Variants in PDE8B observed in about 807,000 individuals in gnomAD.
PDE8B encodes the protein high affinity cAMP-specific and IBMX-insensitive 3',5'-cyclic phosphodiesterase 8B.
PDE8B carries 26 observed loss-of-function variants against 101.3 expected under a neutral mutation model. That is an observed-to-expected ratio of 0.26 (90% CI 0.19 to 0.36). PDE8B has a LOEUF of 0.36. Ranked by LOEUF, PDE8B falls within the 10% of genes least tolerant of loss-of-function variation. The pLI is 1.00. For synonymous variants in PDE8B, 424 were observed against 429.3 expected (o/e 0.99, Z 0.15); for missense variants, 810 against 1,163.1 (o/e 0.70, Z 4.42).
Position 77,211,297 on chromosome 5 carries a change from G to A in PDE8B, c.339+33G>A. 1.3e-6 allele frequency: 2 copies of A among 1,522,244 alleles called. No homozygotes were observed. Among genetic ancestry groups the A allele is most frequent in the Middle Eastern group, 1.8e-4 (1 of 5,474 alleles). 94.3% of individuals were successfully genotyped at this position (1,522,244 alleles called of 1,614,324 possible). A position where few individuals can be genotyped will look rare whatever the true frequency, so the allele number is the denominator to read the frequency against. On this transcript the variant is annotated intron_variant, in intron 1 of 21. Coordinates refer to ENST00000264917, the MANE Select transcript of PDE8B (RefSeq NM_003719.5). This position sits in a 1 kb window ranked among gnomAD's most constrained non-coding sequence, Gnocchi z 4.1. Reference sequence around the variant, plus strand: ...CCCCGCGCTGGCACACGCCGTGGGGGCCGTCCGCCCCGTCGGCGGGGCTCG... The same window carrying A: ...CCCCGCGCTGGCACACGCCGTGGGGACCGTCCGCCCCGTCGGCGGGGCTCG...
chr5:77,331,409 G>T lies in PDE8B; in HGVS notation c.658G>T (p.Asp220Tyr). 6.2e-7 allele frequency: 1 copy of T among 1,613,818 alleles called. No homozygotes were observed. Among genetic ancestry groups the T allele is most frequent in the South Asian group, 1.1e-5 (1 of 91,040 alleles). ...TTTTCTGCTTTGCTGCAGATCGGAT[G>T]ACCATGAAGAGGCGTCAGTCCTTCC... ...ILAVVSRVSD[D>Y]HEEASVLPLL... Residue 220 changes from aspartate to tyrosine, a missense_variant, in exon 5 of 22, where the codon GAC becomes TAC. Coordinates refer to ENST00000264917, the MANE Select transcript of PDE8B (RefSeq NM_003719.5).
intron 11 of PDE8B, among the ~76,000 whole-genome samples, chr5:77,402,947 T>A (rs1467580681): frequency 3.3e-5 from 5 of 152,248 alleles, no homozygotes; most frequent in South Asian, 2.1e-4. Context: ...ATCTTTTTTT[T>A]ATTCTTGGAA....
At chr5:77,357,053 G>A (rs1782237042) in intron 10 of PDE8B, among the ~76,000 whole-genome samples, 1 of 152,190 alleles carries the variant, frequency 6.6e-6, no homozygotes, top group African/African-American at 2.4e-5. Flanking sequence ...GGGTGCTTAA[G>A]CAAACCTATA....
chr5:77,204,763 C>T, the PDE8B span, among the ~76,000 whole-genome samples: 4 of 152,148 alleles, frequency 2.6e-5, no homozygotes, highest in Non-Finnish European at 5.9e-5. Context: ...CGCCTTCTTC[C>T]CTTCCCAATG....
chr5:77,218,629 T>C (rs1389409193), intron 1 of PDE8B, among the ~76,000 whole-genome samples: 1 of 152,226 alleles, frequency 6.6e-6, no homozygotes, highest in African/African-American at 2.4e-5. Context: ...ACATATCCAC[T>C]GTCACCCCTT....
chr5:77,157,464 G>T, the PDE8B span, among the ~76,000 whole-genome samples: 428 of 152,272 alleles, frequency 2.8e-3, 6 homozygotes, highest in South Asian at 0.049. Context: ...GGCCAGCTCT[G>T]CTCTGTATAG....
intron 12 of PDE8B, 59 bp downstream of exon 12, chr5:77,404,856 A>G (rs371022355): frequency 1.8e-6 from 2 of 1,098,188 alleles, no homozygotes; most frequent in Non-Finnish European, 1.4e-6. Flanking sequence ...ATGGAAGAAT[A>G]TGTTAAAAAA....
At chr5:77,380,079 G>T (rs1787163229) in intron 10 of PDE8B, among the ~76,000 whole-genome samples, 1 of 152,186 alleles carries the variant, frequency 6.6e-6, no homozygotes. Context: ...TAGTACTTTT[G>T]TTCATCTTAA....
At chr5:77,315,602 G>A (rs1322304463) in intron 2 of PDE8B, among the ~76,000 whole-genome samples, 2 of 152,114 alleles carry the variant, frequency 1.3e-5, no homozygotes, top group Admixed American at 1.3e-4. Context: ...TTCATTAATC[G>A]TGCTATTCAA....
the PDE8B span, among the ~76,000 whole-genome samples, chr5:77,191,916 A>T: frequency 6.6e-6 from 1 of 152,096 alleles, no homozygotes; most frequent in African/African-American, 2.4e-5. Context: ...GGGTGATGGG[A>T]GACAGTGACA....
intron 10 of PDE8B, among the ~76,000 whole-genome samples, chr5:77,388,661 CTG>C (rs1257534894): frequency 1.3e-5 from 2 of 152,222 alleles, no homozygotes; most frequent in Non-Finnish European, 2.9e-5. Context: ...TCTGCTGAAG[CTG>C]TGCCCACAGC....
chr5:77,206,765 G>T (rs1217744533), upstream of PDE8B, among the ~76,000 whole-genome samples: 1 of 152,168 alleles, frequency 6.6e-6, no homozygotes, highest in Non-Finnish European at 1.5e-5. Flanking sequence ...CTTAACCCCT[G>T]AAGAAAGTCT....
chr5:77,376,092 A>G lies in PDE8B; in HGVS notation c.1167+22686A>G, dbSNP rs908272519. 3.9e-5 allele frequency among the ~76,000 whole-genome samples: 6 copies of G among 152,002 alleles called. No homozygotes were observed. In the East Asian group the frequency reaches 1.2e-3, roughly 29 times the overall value. On this transcript the variant is annotated intron_variant, in intron 10 of 21. Coordinates refer to ENST00000264917, the MANE Select transcript of PDE8B (RefSeq NM_003719.5). The stretch of plus-strand genomic sequence containing the variant: ...TTTTTAGTAGAGATGGGATTTCTCC[A>G]TGTGCCTTCATTTCTAGTGGAGCAT...
At chr5:77,376,824 CA>C (rs1383550043) in intron 10 of PDE8B, among the ~76,000 whole-genome samples, 1 of 152,144 alleles carries the variant, frequency 6.6e-6, no homozygotes, top group Non-Finnish European at 1.5e-5. Flanking sequence ...TTATGCTAAT[CA>C]AGTGCAAATG....
At chr5:77,290,347 A>G in intron 1 of PDE8B, 1 of 1,449,464 alleles carries the variant, frequency 6.9e-7, no homozygotes, top group Non-Finnish European at 9.7e-7. Context: ...GAGGGCGTGT[A>G]TAATGGAAGC....
the PDE8B span, among the ~76,000 whole-genome samples, chr5:77,120,158 A>G: frequency 6.6e-6 from 1 of 152,246 alleles, no homozygotes; most frequent in Non-Finnish European, 1.5e-5. Flanking sequence ...TGCTGGGTGA[A>G]AAAAGCCTTA....
chr5:77,290,409 C>T (rs1406692299), intron 1 of PDE8B: 6 of 1,401,152 alleles, frequency 4.3e-6, no homozygotes, highest in Admixed American at 1.7e-5. Flanking sequence ...TAACAACTAG[C>T]CAATAGCAAG....
the PDE8B span, chr5:77,147,252 G>GT: frequency 1.1e-5 from 3 of 273,090 alleles, no homozygotes; most frequent in Non-Finnish European, 2.2e-5. Flanking sequence ...ACATTGAGAT[G>GT]TAAGGCTGTG....
chr5:77,201,867 C>T, the PDE8B span, among the ~76,000 whole-genome samples: 7 of 152,282 alleles, frequency 4.6e-5, no homozygotes, highest in South Asian at 1.0e-3. Flanking sequence ...TATTTTCTCA[C>T]AATTCTGGAG....
Sources: gnomAD v4.1 joint callset for allele counts (sites outside exome capture counted in the v4.1 genomes callset) on GRCh38, gnomAD v4.1.1 for gene constraint, Gnocchi (gnomAD v3.1) non-coding constraint, MANE v1.5 for transcripts, NCBI Gene and HGNC (gene_info 2026-07-23, HGNC 2026-07-21) for gene names.